Variants in DDX60 observed in about 807,000 individuals in gnomAD.
DDX60 encodes DExD/H-box helicase 60.
Under a neutral mutation model 212.8 loss-of-function variants are expected in DDX60, and 165 were observed. That is an observed-to-expected ratio of 0.78 (90% CI 0.68 to 0.88). The LOEUF is 0.88. Ranked by LOEUF, DDX60 falls within the 40% of genes least tolerant of loss-of-function variation. The pLI, the probability that DDX60 is intolerant of heterozygous loss-of-function variation, is 0.00. For synonymous variants in DDX60, 703 were observed against 685.3 expected (o/e 1.03, Z -0.40); for missense variants, 1,905 against 2,003.9 (o/e 0.95, Z 0.94).
At chr4:168,285,536 T>C (rs1735788461) in intron 10 of DDX60, 38 bp from the exon 11 acceptor site, 3 of 1,295,604 alleles carry the variant, frequency 2.3e-6, no homozygotes, top group Non-Finnish European at 2.2e-6. Context: ...CAAGGTCAAA[T>C]GTAAAGCTTT....
intron 1 of DDX60, among the ~76,000 whole-genome samples, chr4:168,312,259 T>C (rs1228122783): frequency 1.3e-5 from 2 of 152,176 alleles, no homozygotes; most frequent in East Asian, 3.8e-4. Context: ...GAAAAGATTA[T>C]GGCGGCATTT....
At position 168,273,970 on chromosome 4, in the gene DDX60, G is replaced by C; in HGVS notation, c.2418C>G (p.Ser806Arg). The C allele has an allele frequency of 6.2e-7, 1 of 1,614,050 alleles. No homozygotes were observed. The change falls in exon 17 of 38, where the codon AGC (serine) becomes AGG (arginine). Residue 806 changes from serine to arginine, a missense_variant. Ser to Arg is a moderately radical substitution (Grantham distance 110). Coordinates refer to ENST00000393743, the MANE Select transcript of DDX60 (RefSeq NM_017631.6). ...YYCMEKVLKESDDGVVVYVAP... is the reference protein window; with the variant it reads ...YYCMEKVLKERDDGVVVYVAP... ...CAACGTACACGACCACCCCGTCGTC[G>C]CTCTCCTTCAGCACTTTCTCCATAC...
chr4:168,284,752 C>T, intron 12 of DDX60, 68 bp downstream of exon 12: 1 of 748,606 alleles, frequency 1.3e-6, no homozygotes, highest in East Asian at 2.8e-5. Context: ...TGATAATTTT[C>T]CACTATAAAA....
At chr4:168,312,945 TCTCA>T (rs1202366818) in intron 1 of DDX60, among the ~76,000 whole-genome samples, 1 of 152,332 alleles carries the variant, frequency 6.6e-6, no homozygotes. Flanking sequence ...AAGTATGGTC[TCTCA>T]CTCACTCAGT....
chr4:168,246,821 A>G (rs1734040229), intron 29 of DDX60, among the ~76,000 whole-genome samples: 1 of 152,206 alleles, frequency 6.6e-6, no homozygotes, highest in African/African-American at 2.4e-5. Context: ...GACATCTGTC[A>G]TCATTACGTA....
In DDX60 at chr4:168,288,237, C is replaced by A; in HGVS notation, c.1120G>T (p.Asp374Tyr). Residue 374 changes from aspartate to tyrosine, a missense_variant, in exon 9 of 38, where the codon GAC (aspartate) becomes TAC (tyrosine). Asp to Tyr is a radical substitution (Grantham distance 160). Transcript: ENST00000393743. The part of the protein sequence containing the change: ...FWNLNLIHLS[D>Y]LNDELLLKNI... The stretch of plus-strand genomic sequence containing the variant: ...TTCAACAAAAGCTCATCATTTAAGT[C>A]AGAAAGGTGAATTAAATTCAGATTC... 2 of 1,518,132 alleles carry A rather than the reference C, an allele frequency of 1.3e-6. No individual in the cohort carries two copies. The highest frequency in any genetic ancestry group is 1.2e-5 in the South Asian group (1 of 83,676). The allele number at this position is 1,518,132 out of a possible 1,614,324, so 94.0% of individuals were successfully genotyped here.
Position 168,284,874 on chromosome 4 carries a change from G to A in DDX60, c.1507C>T (p.His503Tyr), listed in dbSNP as rs1177455227. The A allele has an allele frequency of 6.3e-7, 1 of 1,598,256 alleles. No individual in the cohort carries two copies. Among genetic ancestry groups the A allele is most frequent in the Non-Finnish European group, 8.5e-7 (1 of 1,170,116 alleles). The change falls in exon 12 of 38, where the codon CAT (histidine) becomes TAT (tyrosine). Residue 503 changes from histidine (H) to tyrosine (Y), a missense_variant. Transcript: ENST00000393743. ...QKEFDELVHW[H>Y]SHKPLSDDYD... is the part of the protein sequence containing the mutation. ...TCATCACTCAGGGGTTTATGAGAAT[G>A]CCAGTGCACAAGTTCATCAAATTCC...
chr4:168,323,520 G>A (rs1398605421), upstream of DDX60, among the ~76,000 whole-genome samples: 1 of 152,134 alleles, frequency 6.6e-6, no homozygotes, highest in Non-Finnish European at 1.5e-5. Flanking sequence ...TAGGCAAGGT[G>A]GAAGTTCCAC....
At chr4:168,271,830 T>G (rs1735113597) in intron 19 of DDX60, among the ~76,000 whole-genome samples, 1 of 152,114 alleles carries the variant, frequency 6.6e-6, no homozygotes, top group Admixed American at 6.5e-5. Context: ...CATACAGAAC[T>G]CTGCAGGGTG....
At chr4:168,293,750 G>T (rs1736214449) in intron 7 of DDX60, 37 bp downstream of exon 7, 2 of 1,515,556 alleles carry the variant, frequency 1.3e-6, no homozygotes, top group Non-Finnish European at 1.8e-6. Context: ...AATGTGGAGA[G>T]AAATAGTATT....
intron 14 of DDX60, among the ~76,000 whole-genome samples, chr4:168,277,623 G>A (rs990918638): frequency 1.1e-4 from 17 of 151,824 alleles, no homozygotes; most frequent in East Asian, 1.9e-4. Context: ...AGATCACAAC[G>A]TCAGGAGATG....
intron 3 of DDX60, among the ~76,000 whole-genome samples, chr4:168,309,710 G>A (rs766736174): frequency 1.3e-4 from 20 of 152,148 alleles, no homozygotes; most frequent in Non-Finnish European, 2.8e-4. Context: ...CTTTAAAAAT[G>A]TCAAGATAAC....
At chr4:168,296,641 A>C (rs1736354540) in intron 6 of DDX60, among the ~76,000 whole-genome samples, 1 of 152,152 alleles carries the variant, frequency 6.6e-6, no homozygotes, top group Admixed American at 6.5e-5. Flanking sequence ...ATTAAATCGA[A>C]TTAAAGTATC....
Position 168,252,604 on chromosome 4 carries a change from C to T in DDX60, c.3610G>A (p.Glu1204Lys). The T allele has an allele frequency of 6.2e-7, 1 of 1,613,620 alleles. No homozygotes were observed. Among genetic ancestry groups the T allele is most frequent in the Non-Finnish European group, 8.5e-7 (1 of 1,179,742 alleles). ...TRNVDQSLIH[E>K]AEHDNLVKCL... The stretch of plus-strand genomic sequence containing the variant: ...TTCACTAGATTATCATGTTCAGCTT[C>T]ATGTATTAGGCTTTGATCCACATTT... The change falls in exon 27 of 38, where the codon GAA (glutamate) becomes AAA (lysine). Residue 1204 changes from glutamate to lysine, a missense_variant. Coordinates refer to ENST00000393743, the MANE Select transcript of DDX60 (RefSeq NM_017631.6).
chr4:168,291,979 C>A, intron 7 of DDX60, 73 bp from the exon 8 acceptor site: 1 of 994,358 alleles, frequency 1.0e-6, no homozygotes, highest in Non-Finnish European at 1.4e-6. Context: ...TCTAGGACCA[C>A]AAAAGCTGAC....
chr4:168,306,582 A>G lies in DDX60; in HGVS notation c.403T>C (p.Leu135=). 1 of 1,614,206 alleles carries G rather than the reference A, an allele frequency of 6.2e-7. No homozygotes were observed. Among genetic ancestry groups the G allele is most frequent in the South Asian group, 1.1e-5 (1 of 91,086 alleles). The change falls in exon 5 of 38, where the codon TTG becomes CTG. Residue 135 remains leucine, a synonymous_variant. Coordinates refer to ENST00000393743, the MANE Select transcript of DDX60 (RefSeq NM_017631.6). ...AGGAAATATGGGTAACTCTCTTCCA[A>G]GAAACTTCCCCACTCTTTTGATAAG... ...RCLSKEWGSF[L]EESYPYFLIV...
intron 3 of DDX60, 141 bp from the exon 4 acceptor site, chr4:168,308,336 C>T (rs73863049): frequency 0.011 from 6,586 of 581,364 alleles, 318 homozygotes; most frequent in African/African-American, 0.11. Flanking sequence ...TACACTAAGG[C>T]TTTTCAAACA....
chr4:168,297,741 T>TACAAATAC (rs2149541843), intron 6 of DDX60, among the ~76,000 whole-genome samples: 1 of 151,252 alleles, frequency 6.6e-6, no homozygotes, highest in Admixed American at 6.6e-5. Context: ...TCATTTCTAA[T>TACAAATAC]AAAAATTAGC....
chr4:168,261,962 C>T (rs755762286), intron 24 of DDX60, 38 bp downstream of exon 24: 24 of 1,561,300 alleles, frequency 1.5e-5, no homozygotes, highest in Non-Finnish European at 2.1e-5. Context: ...AAGAAAACAA[C>T]AAAAATAAAG....
Sources: gnomAD v4.1 joint callset for allele counts (sites outside exome capture counted in the v4.1 genomes callset) on GRCh38, gnomAD v4.1.1 for gene constraint, MANE v1.5 for transcripts, NCBI Gene and HGNC (gene_info 2026-07-23, HGNC 2026-07-21) for gene names.